Variants in ADAT3 observed in about 807,000 individuals in gnomAD.
ADAT3 encodes adenosine deaminase tRNA specific 3, also known as tRNA-specific adenosine-34 deaminase regulatory subunit ADAT3.
In ADAT3, 2 loss-of-function variants were observed where a neutral mutation model predicts 3.5. That is an observed-to-expected ratio of 0.57 (90% CI 0.23 to 1.79). The LOEUF (loss-of-function observed/expected upper bound fraction) is 1.79. Ranked by LOEUF, ADAT3 falls within the 40% of genes most tolerant of loss-of-function variation. The probability of loss-of-function intolerance (pLI) is 0.18; values close to 1 mark genes in which losing one functional copy is unlikely to be tolerated. For missense variants in ADAT3, 735 were observed against 571.4 expected (o/e 1.29, Z -2.92); for synonymous variants, 358 against 270.3 (o/e 1.32, Z -3.18).
intron 1 of ADAT3, among the ~76,000 whole-genome samples, chr19:1,909,475 T>C (rs569233314): frequency 3.3e-5 from 5 of 151,856 alleles, no homozygotes; most frequent in Non-Finnish European, 5.9e-5. Context: ...GGGATGGTAA[T>C]GGCTCTACTA....
chr19:1,911,129 C>T (rs747945263), intron 1 of ADAT3, among the ~76,000 whole-genome samples: 19 of 152,142 alleles, frequency 1.2e-4, no homozygotes, highest in Non-Finnish European at 2.5e-4. Context: ...CCTGCCTCGG[C>T]CTCCCAAAGT....
chr19:1,909,785 C>T (rs1185513877), intron 1 of ADAT3, among the ~76,000 whole-genome samples: 1 of 152,206 alleles, frequency 6.6e-6, no homozygotes, highest in African/African-American at 2.4e-5. Flanking sequence ...TAAGCAGGGA[C>T]ACCCCAGTGG....
At position 1,912,807 on chromosome 19, in the gene ADAT3, C is replaced by T. The variant is rs778969688; in HGVS notation, c.760C>T (p.Arg254Cys). Residue 254 changes from arginine to cysteine, a missense_variant, in exon 2 of 2, where the codon CGC (arginine) becomes TGC (cysteine). Transcript: ENST00000329478. ...GGACCTCGTGGCGCGCGGCCAGGGC[C>T]GCGGCACCTACGACTTCAGACCCTT... is the stretch of plus-strand genomic sequence containing the variant. ...CVDLVARGQG[R>C]GTYDFRPFPA... 6 of 1,580,176 alleles carry T rather than the reference C, an allele frequency of 3.8e-6. No individual in the cohort carries two copies. Among genetic ancestry groups the T allele is most frequent in the East Asian group, 2.3e-5 (1 of 43,442 alleles).
rs1305471403 is a variant in ADAT3 at position 1,912,140 on chromosome 19, GGCCGGGA to G, written c.97_103del (p.Gly33ArgfsTer42). On this transcript the variant is annotated frameshift_variant, in exon 2 of 2. Coordinates refer to ENST00000329478, the MANE Select transcript of ADAT3 (RefSeq NM_138422.4). LOFTEE classifies it low-confidence loss of function (END_TRUNC). The stretch of plus-strand genomic sequence containing the variant: ...TCGTGGAGCAGCCCAAGTGCTTGGA[GGCCGGGA>G]GCCCGGAGCCTGAGCCGGCGCCGTG... The G allele has an allele frequency of 6.4e-7, 1 of 1,560,056 alleles. No homozygotes were observed. The highest frequency in any genetic ancestry group is 1.4e-5 in the African/African-American group (1 of 73,568).
chr19:1,911,610 A>C (rs765718165), intron 1 of ADAT3, among the ~76,000 whole-genome samples: 6 of 152,208 alleles, frequency 3.9e-5, no homozygotes, highest in Middle Eastern at 6.8e-3. Context: ...GTGAAATCCC[A>C]TCTCTACTAA....
intron 1 of ADAT3, 42 bp from the exon 2 acceptor site, chr19:1,911,848 G>A (rs544156634): frequency 8.0e-6 from 4 of 502,362 alleles, no homozygotes; most frequent in African/African-American, 2.0e-5. Context: ...TTATATCTTC[G>A]TTTTTAAAAA....
In ADAT3 at chr19:1,912,571, C is replaced by T. The variant is rs1450691183; in HGVS notation, c.524C>T (p.Ala175Val). The change falls in exon 2 of 2, where the codon GCC becomes GTC. Residue 175 changes from alanine (A) to valine (V), a missense_variant. Physicochemically the swap from Ala to Val is moderately conservative, Grantham distance 64. Transcript: ENST00000329478. ...SFHEDKQVTS[A>V]LAGRLFSTQE... ...CACGAGGACAAGCAGGTGACCAGCG[C>T]CCTGGCTGGGCGGCTCTTCTCCACG... 2 of 1,497,784 alleles carry T rather than the reference C, an allele frequency of 1.3e-6. No individual in the cohort carries two copies. The highest frequency in any genetic ancestry group is 1.2e-5 in the South Asian group (1 of 80,160). 92.8% of individuals were successfully genotyped at this position (1,497,784 alleles called of 1,614,324 possible).
In ADAT3 at chr19:1,912,818, C is replaced by T. The variant is rs35870594; in HGVS notation, c.771C>T (p.Tyr257=). Residue 257 remains tyrosine, a synonymous_variant, in exon 2 of 2, where the codon TAC becomes TAT. Transcript: ENST00000329478. ...LVARGQGRGT[Y]DFRPFPACSF... ...CGCGCGGCCAGGGCCGCGGCACCTA[C>T]GACTTCAGACCCTTCCCCGCCTGCT... 82,599 of 1,587,244 alleles carry T rather than the reference C, an allele frequency of 0.052. 2,830 individuals carry two copies. Among genetic ancestry groups the T allele is most frequent in the Admixed American group, 0.13 (7,532 of 57,778 alleles).
chr19:1,905,519 C>T (rs1261565198), intron 1 of ADAT3, 80 bp downstream of exon 1: 9 of 371,122 alleles, frequency 2.4e-5, no homozygotes, highest in Non-Finnish European at 4.7e-5. Flanking sequence ...CATGGGGGGT[C>T]TCGGCGGTGA....
intron 1 of ADAT3, chr19:1,906,380 T>G (rs1027494197): frequency 6.6e-6 from 1 of 151,788 alleles, no homozygotes; most frequent in Non-Finnish European, 1.5e-5. Flanking sequence ...AAAAAAAGAT[T>G]TTTTTTTAAT....
rs950551345 is a variant in ADAT3, at chr19:1,912,963, C to T, written c.916C>T (p.Pro306Ser). 1.3e-5 allele frequency: 21 copies of T among 1,610,178 alleles called. No individual in the cohort carries two copies. The highest frequency in any genetic ancestry group is 1.8e-5 in the Non-Finnish European group (21 of 1,179,362). The part of the protein sequence containing the change: ...TGYDLYVTRE[P>S]CAMCAMALVH... ...CTACGACCTGTACGTGACCCGCGAG[C>T]CCTGCGCCATGTGCGCCATGGCCCT... Residue 306 changes from proline (P) to serine (S), a missense_variant, in exon 2 of 2, where the codon CCC becomes TCC. Physicochemically the swap from Pro to Ser is moderately conservative, Grantham distance 74 (BLOSUM62 -1). Coordinates refer to ENST00000329478, the MANE Select transcript of ADAT3 (RefSeq NM_138422.4).
chr19:1,912,036 C>T lies in ADAT3; in HGVS notation c.-12C>T, dbSNP rs762567578. 4 of 1,416,238 alleles carry T rather than the reference C, an allele frequency of 2.8e-6. No individual in the cohort carries two copies. Among genetic ancestry groups the T allele is most frequent in the Non-Finnish European group, 3.7e-6 (4 of 1,091,776 alleles). 87.7% of individuals were successfully genotyped at this position (1,416,238 alleles called of 1,614,324 possible). On this transcript the variant is annotated 5_prime_UTR_variant, in exon 2 of 2. Transcript: ENST00000329478. ...ACTCCCCGGCTCTCCCCCAGCCGCC[C>T]GCAGCCGCCGGATGATCCTCTGCTC...
At chr19:1,910,083 C>T (rs2013357360) in intron 1 of ADAT3, among the ~76,000 whole-genome samples, 1 of 152,206 alleles carries the variant, frequency 6.6e-6, no homozygotes. Flanking sequence ...ATAGCAGACT[C>T]CGTGCATCTG....
At position 1,911,885 on chromosome 19, in the gene ADAT3, A is replaced by T; in HGVS notation, c.-158-5A>T. Reference sequence around the variant, plus strand: ...CAATGGCTGTTTAAACTCTGTGCACACCAGGGGTTAGCAGGACATGAGGGA... The same window carrying T: ...CAATGGCTGTTTAAACTCTGTGCACTCCAGGGGTTAGCAGGACATGAGGGA... On this transcript the variant is annotated splice_region_variant and splice_polypyrimidine_tract_variant and intron_variant, in intron 1 of 1. Transcript: ENST00000329478. The T allele has an allele frequency of 1.2e-6, 1 of 842,186 alleles. No individual in the cohort carries two copies. Among genetic ancestry groups the T allele is most frequent in the Non-Finnish European group, 1.7e-6 (1 of 598,724 alleles). 52.2% of individuals were successfully genotyped at this position (842,186 alleles called of 1,614,324 possible). A position where few individuals can be genotyped will look rare whatever the true frequency, so the allele number is the denominator to read the frequency against.
intron 1 of ADAT3, among the ~76,000 whole-genome samples, chr19:1,907,683 C>T (rs1016396051): frequency 6.6e-6 from 1 of 152,156 alleles, no homozygotes; most frequent in African/African-American, 2.4e-5. Flanking sequence ...TATGCCGGTT[C>T]CCAGCCCAGG....
Position 1,913,110 on chromosome 19 carries a change from G to T in ADAT3, c.1063G>T (p.Val355Leu), listed in dbSNP as rs750059837. 6.3e-7 allele frequency: 1 copy of T among 1,591,860 alleles called. No homozygotes were observed. The change falls in exon 2 of 2, where the codon GTG (valine) becomes TTG (leucine). Residue 355 changes from valine (V) to leucine (L), a missense_variant. Physicochemically the swap from Val to Leu is conservative, Grantham distance 32. Transcript: ENST00000329478. ...LNHRFQVFRG[V>L]LEEQCRWLDP... is the part of the protein sequence containing the mutation. Reference sequence around the variant, plus strand: ...CCACCGCTTCCAGGTGTTCCGCGGGGTGCTGGAGGAGCAGTGCCGCTGGCT... The same window carrying T: ...CCACCGCTTCCAGGTGTTCCGCGGGTTGCTGGAGGAGCAGTGCCGCTGGCT...
intron 1 of ADAT3, chr19:1,905,728 T>G (rs953742997): frequency 6.6e-6 from 1 of 152,444 alleles, no homozygotes; most frequent in African/African-American, 2.4e-5. Context: ...TTATGGTCGG[T>G]GCGGGAGACC....
intron 1 of ADAT3, among the ~76,000 whole-genome samples, chr19:1,910,689 G>C (rs1420081780): frequency 7.0e-6 from 1 of 143,120 alleles, no homozygotes; most frequent in Non-Finnish European, 1.5e-5. Flanking sequence ...CAATTCTCTT[G>C]CCTCAGCTTC....
At chr19:1,910,135 C>T (rs745360679) in intron 1 of ADAT3, among the ~76,000 whole-genome samples, 3 of 152,170 alleles carry the variant, frequency 2.0e-5, no homozygotes, top group African/African-American at 7.2e-5. Context: ...TTCTGTGGGT[C>T]GGGGCCTGAA....
Sources: allele counts gnomAD v4.1 joint callset (sites outside exome capture counted in the v4.1 genomes callset), GRCh38; gene constraint gnomAD v4.1.1; transcripts MANE v1.5; gene names NCBI Gene and HGNC (gene_info 2026-07-23, HGNC 2026-07-21).